The following DPP10 variants were observed in gnomAD, a reference collection of about 807,000 sequenced individuals.
DPP10 encodes the protein inactive dipeptidyl peptidase 10.
In DPP10, 33 loss-of-function variants were observed where a neutral mutation model predicts 120.9. The observed-to-expected ratio is 0.27, with a 90% CI of 0.21 to 0.37. DPP10 has a LOEUF of 0.37. Among genes scored for constraint, DPP10 ranks in the 10% least tolerant of loss-of-function variants. The probability of loss-of-function intolerance (pLI) is 1.00; values close to 1 mark genes in which losing one functional copy is unlikely to be tolerated. For missense variants in DPP10, 816 were observed against 942.8 expected (o/e 0.87, Z 1.76); for synonymous variants, 337 against 326.1 (o/e 1.03, Z -0.36).
chr2:115,294,902 C>G (rs1375048954), intron 1 of DPP10, among the ~76,000 whole-genome samples: 1 of 152,046 alleles, frequency 6.6e-6, no homozygotes, highest in Non-Finnish European at 1.5e-5. Flanking sequence ...ACCCCTCCTC[C>G]CGACACAGAC....
intron 3 of DPP10, among the ~76,000 whole-genome samples, chr2:115,344,863 T>C (rs566317610): frequency 6.9e-4 from 105 of 152,338 alleles, no homozygotes; most frequent in Non-Finnish European, 1.3e-3. Context: ...ATTTGTATAA[T>C]AGATGAAAGG....
intron 1 of DPP10, among the ~76,000 whole-genome samples, chr2:115,253,448 C>G (rs1249285327): frequency 6.6e-6 from 1 of 152,106 alleles, no homozygotes; most frequent in South Asian, 2.1e-4. Flanking sequence ...CTCAAAAGTC[C>G]TAAGTCCAAA....
At chr2:114,510,599 T>A (rs1684059217) in intron 1 of DPP10, among the ~76,000 whole-genome samples, 1 of 152,076 alleles carries the variant, frequency 6.6e-6, no homozygotes, top group Non-Finnish European at 1.5e-5. Flanking sequence ...CAAGACTCTG[T>A]CTCAAAAAAA....
chr2:115,485,767 C>T (rs1468142215), intron 3 of DPP10, among the ~76,000 whole-genome samples: 2 of 152,096 alleles, frequency 1.3e-5, no homozygotes, highest in African/African-American at 2.4e-5. Context: ...TTCAATACTA[C>T]TCTATGCAAT....
chr2:115,496,464 T>G (rs2076401210), intron 3 of DPP10, among the ~76,000 whole-genome samples: 1 of 152,152 alleles, frequency 6.6e-6, no homozygotes, highest in African/African-American at 2.4e-5. Context: ...CTTTATCTTT[T>G]CAAACAAGCT....
chr2:114,714,471 A>C (rs1371916201), intron 1 of DPP10, among the ~76,000 whole-genome samples: 1 of 152,202 alleles, frequency 6.6e-6, no homozygotes, highest in Non-Finnish European at 1.5e-5. Flanking sequence ...AAGCAGGAAC[A>C]AAGAGAAGCA....
chr2:115,757,658 G>C (rs1159734593), intron 11 of DPP10, among the ~76,000 whole-genome samples: 2 of 151,934 alleles, frequency 1.3e-5, no homozygotes, highest in African/African-American at 4.8e-5. Flanking sequence ...ACAAATATGA[G>C]AAAGTCCTTA....
chr2:114,990,600 T>TATCAA (rs1456209097), intron 1 of DPP10, among the ~76,000 whole-genome samples: 2 of 152,196 alleles, frequency 1.3e-5, no homozygotes, highest in East Asian at 3.8e-4. Flanking sequence ...CAACAGTTAA[T>TATCAA]GTGATAACCT....
chr2:115,716,832 T>C (rs2092511807), intron 7 of DPP10, among the ~76,000 whole-genome samples: 2 of 152,280 alleles, frequency 1.3e-5, no homozygotes, highest in African/African-American at 4.8e-5. Flanking sequence ...TAACCAAGCC[T>C]AGTCCCACCT....
chr2:115,121,129 A>G (rs79106504), intron 1 of DPP10, among the ~76,000 whole-genome samples: 8,538 of 152,302 alleles, frequency 0.056, 304 homozygotes, highest in East Asian at 0.15. Flanking sequence ...CTTTCCCAGG[A>G]GAAATAGGGC....
At chr2:114,944,845 GT>G (rs1460087507) in intron 1 of DPP10, among the ~76,000 whole-genome samples, 1 of 152,092 alleles carries the variant, frequency 6.6e-6, no homozygotes, top group African/African-American at 2.4e-5. Flanking sequence ...ATAATCAGGA[GT>G]TTTTGCAATG....
chr2:115,005,457 T>G (rs559704526), intron 1 of DPP10, among the ~76,000 whole-genome samples: 1 of 151,504 alleles, frequency 6.6e-6, no homozygotes, highest in South Asian at 2.1e-4. Context: ...GCAAAGAAGT[T>G]GAAAACTTTG....
At chr2:115,408,084 C>T (rs1337655465) in intron 3 of DPP10, among the ~76,000 whole-genome samples, 1 of 151,902 alleles carries the variant, frequency 6.6e-6, no homozygotes, top group Non-Finnish European at 1.5e-5. Context: ...CTCCCAGTCT[C>T]GGTGACCACG....
At chr2:114,732,029 G>T (rs1052387690) in intron 1 of DPP10, among the ~76,000 whole-genome samples, 1 of 152,172 alleles carries the variant, frequency 6.6e-6, no homozygotes, top group African/African-American at 2.4e-5. Flanking sequence ...TGGAATACAA[G>T]AAGAAACTGG....
intron 8 of DPP10, among the ~76,000 whole-genome samples, chr2:115,728,567 T>C (rs1424099767): frequency 6.6e-6 from 1 of 152,170 alleles, no homozygotes; most frequent in African/African-American, 2.4e-5. Flanking sequence ...TTATTACCTA[T>C]GTTTCAGATT....
chr2:115,319,996 G>T (rs66950432), intron 2 of DPP10, among the ~76,000 whole-genome samples: 37,850 of 151,828 alleles, frequency 0.25, 4,947 homozygotes, highest in East Asian at 0.35. Flanking sequence ...ATTGCTTTGG[G>T]GATTAAATTT....
At chr2:114,906,902 C>T (rs1183348647) in intron 1 of DPP10, among the ~76,000 whole-genome samples, 2 of 151,948 alleles carry the variant, frequency 1.3e-5, no homozygotes, top group African/African-American at 2.4e-5. Context: ...TGAAAATTTG[C>T]GAGAGAGAGG....
At chr2:115,585,296 A>G (rs949488470) in intron 5 of DPP10, among the ~76,000 whole-genome samples, 1 of 152,208 alleles carries the variant, frequency 6.6e-6, no homozygotes, top group Non-Finnish European at 1.5e-5. Context: ...ACAATGATTA[A>G]CTCAGACATA....
At chr2:114,445,116 G>A (rs1677867849) in intron 1 of DPP10, among the ~76,000 whole-genome samples, 1 of 152,134 alleles carries the variant, frequency 6.6e-6, no homozygotes, top group African/African-American at 2.4e-5. Context: ...GGACATTGGA[G>A]CTCAAAATAC....
Sources: allele counts gnomAD v4.1 joint callset (sites outside exome capture counted in the v4.1 genomes callset), GRCh38; gene constraint gnomAD v4.1.1; transcripts MANE v1.5; gene names NCBI Gene and HGNC (gene_info 2026-07-23, HGNC 2026-07-21).